Variants in XPO7 observed in about 807,000 individuals in gnomAD.
The protein encoded by XPO7 is exportin-7.
Under a neutral mutation model 144.3 loss-of-function variants are expected in XPO7, and 21 were observed. The observed-to-expected ratio is 0.15, with a 90% confidence interval of 0.10 to 0.21. The LOEUF is 0.21. Ranked by LOEUF, XPO7 falls within the 10% of genes least tolerant of loss-of-function variation. XPO7 has a pLI of 1.00. For missense variants in XPO7, 808 were observed against 1,325.8 expected (o/e 0.61, Z 6.06); for synonymous variants, 580 against 499.6 (o/e 1.16, Z -2.15).
At position 21,919,691 on chromosome 8, in the gene XPO7, G is replaced by T. The variant is rs6991784; in HGVS notation, c.-80G>T. Reference sequence around the variant, plus strand: ...CGCAGGCGCAGCGGCGACGGCGTCGGCGGCGGCGGCGGCAGCGGCTCCGGC... The same window carrying T: ...CGCAGGCGCAGCGGCGACGGCGTCGTCGGCGGCGGCGGCAGCGGCTCCGGC... On this transcript the variant is annotated 5_prime_UTR_variant, in exon 1 of 28. Coordinates refer to ENST00000252512, the MANE Select transcript of XPO7 (RefSeq NM_015024.5). 2,734 of 190,540 alleles carry T rather than the reference G, an allele frequency of 0.014. 82 individuals carry two copies. The highest frequency in any genetic ancestry group is 0.062 in the African/African-American group (2,598 of 41,932). The allele number at this position is 190,540 out of a possible 1,614,324, so 11.8% of individuals were successfully genotyped here. A position where few individuals can be genotyped will look rare whatever the true frequency, so the allele number is the denominator to read the frequency against.
intron 5 of XPO7, among the ~76,000 whole-genome samples, chr8:21,972,377 A>G (rs993325812): frequency 2.6e-5 from 4 of 152,032 alleles, no homozygotes; most frequent in African/African-American, 9.7e-5. Context: ...GACTTGGGAG[A>G]CAGGCAGGAG....
intron 1 of XPO7, among the ~76,000 whole-genome samples, chr8:21,922,725 A>G (rs1305359028): frequency 6.6e-6 from 1 of 152,222 alleles, no homozygotes; most frequent in Non-Finnish European, 1.5e-5. Context: ...TTATATATCG[A>G]ATATGCTATT....
intron 1 of XPO7, among the ~76,000 whole-genome samples, chr8:21,933,749 A>G (rs1810730082): frequency 6.6e-6 from 1 of 152,204 alleles, no homozygotes; most frequent in Admixed American, 6.5e-5. Flanking sequence ...CAGAAATTTT[A>G]CTGTGTGTCC....
At position 21,987,149 on chromosome 8, in the gene XPO7, A is replaced by G; in HGVS notation, c.1586A>G (p.Gln529Arg). The G allele has an allele frequency of 6.2e-7, 1 of 1,613,938 alleles. No individual in the cohort carries two copies. Among genetic ancestry groups the G allele is most frequent in the Non-Finnish European group, 8.5e-7 (1 of 1,179,890 alleles). The stretch of plus-strand genomic sequence containing the variant: ...TGCTCCTCTTCCTCCAGGGTGCTCC[A>G]GCTGATGAACCTAACAGATTCTCGT... ...MDGELVCRVL[Q>R]LMNLTDSRLA... Residue 529 changes from glutamine (Q) to arginine (R), a missense_variant, in exon 14 of 28, where the codon CAG becomes CGG. Physicochemically the swap from Gln to Arg is conservative, Grantham distance 43. This residue lies in a region of XPO7 where 416 missense variants were observed against 612.5 expected (regional missense o/e 0.68). Coordinates refer to ENST00000252512, the MANE Select transcript of XPO7 (RefSeq NM_015024.5).
At chr8:22,004,845 T>C (rs576546480) in intron 27 of XPO7, 150 bp from the exon 28 acceptor site, 101 of 494,902 alleles carry the variant, frequency 2.0e-4, no homozygotes, top group Non-Finnish European at 3.3e-4. Context: ...ACTTTTCTCT[T>C]AGAGTCTTAA....
At chr8:22,003,409 AC>A in intron 26 of XPO7, 92 bp downstream of exon 26, 1 of 963,962 alleles carries the variant, frequency 1.0e-6, no homozygotes, top group Non-Finnish European at 1.5e-6. Flanking sequence ...GTATAGAAAC[AC>A]CCCACGGTGG....
intron 1 of XPO7, among the ~76,000 whole-genome samples, chr8:21,963,370 T>C (rs1051182571): frequency 5.9e-5 from 9 of 152,174 alleles, no homozygotes; most frequent in African/African-American, 2.2e-4. Context: ...ATTGGAACTC[T>C]CCATGCGGAT....
intron 1 of XPO7, among the ~76,000 whole-genome samples, chr8:21,956,805 T>C (rs1811550777): frequency 6.6e-6 from 1 of 152,128 alleles, no homozygotes. Context: ...TATGTTTTCA[T>C]CTTTTGTTTT....
chr8:21,934,308 C>T (rs112430013), intron 1 of XPO7, among the ~76,000 whole-genome samples: 7 of 152,120 alleles, frequency 4.6e-5, no homozygotes, highest in African/African-American at 1.4e-4. Context: ...CCGAGGTGGG[C>T]GGATCACCTG....
intron 1 of XPO7, among the ~76,000 whole-genome samples, chr8:21,927,938 G>A (rs1788928442): frequency 6.6e-6 from 1 of 152,188 alleles, no homozygotes; most frequent in Non-Finnish European, 1.5e-5. Flanking sequence ...GATTACTGTT[G>A]TGTAAATCTG....
intron 21 of XPO7, among the ~76,000 whole-genome samples, chr8:21,995,894 A>C (rs974361850): frequency 6.6e-6 from 1 of 151,970 alleles, no homozygotes; most frequent in Non-Finnish European, 1.5e-5. Flanking sequence ...GGCTCACTGC[A>C]AGCTCCATCC....
At chr8:22,003,506 A>G (rs1192483443) in intron 26 of XPO7, among the ~76,000 whole-genome samples, 189 bp downstream of exon 26, 5 of 152,236 alleles carry the variant, frequency 3.3e-5, no homozygotes, top group African/African-American at 1.2e-4. Context: ...AGAAGTCAGC[A>G]TGTGTGGTAG....
At chr8:21,985,264 A>T (rs1015001771) in intron 12 of XPO7, among the ~76,000 whole-genome samples, 4 of 152,244 alleles carry the variant, frequency 2.6e-5, no homozygotes, top group Non-Finnish European at 5.9e-5. Context: ...GGAGATAAGT[A>T]CAGATAGTAA....
At chr8:21,957,240 A>G (rs1006937244) in intron 1 of XPO7, among the ~76,000 whole-genome samples, 4 of 152,016 alleles carry the variant, frequency 2.6e-5, no homozygotes, top group African/African-American at 9.7e-5. Context: ...ATAGCTTCAG[A>G]TGTGCTTTTG....
At chr8:22,004,621 G>A (rs138840297) in intron 27 of XPO7, among the ~76,000 whole-genome samples, 418 of 152,058 alleles carry the variant, frequency 2.7e-3, no homozygotes, top group African/African-American at 9.3e-3. Context: ...ATAATTCAGG[G>A]GCACGGTAGC....
chr8:21,983,503 G>A (rs1812471500), intron 11 of XPO7, among the ~76,000 whole-genome samples: 1 of 152,178 alleles, frequency 6.6e-6, no homozygotes, highest in Admixed American at 6.5e-5. Flanking sequence ...CAAGTGCATT[G>A]AATAGTCATG....
At chr8:21,977,926 T>C (rs1190945310) in intron 8 of XPO7, 83 bp downstream of exon 8, 14 of 1,213,600 alleles carry the variant, frequency 1.2e-5, no homozygotes, top group East Asian at 2.5e-5. Context: ...CGTTTTGTTT[T>C]ATAAAATTAT....
intron 1 of XPO7, among the ~76,000 whole-genome samples, chr8:21,921,810 C>T (rs1022367494): frequency 6.6e-6 from 1 of 152,190 alleles, no homozygotes; most frequent in Non-Finnish European, 1.5e-5. Flanking sequence ...GTCTTCATAT[C>T]AACGGGGTAA....
rs138609858 is a variant in XPO7 at position 21,984,110 on chromosome 8, T to C, written c.1278-536T>C. ...TTTGTAGTTTTTTTAAAATCCTACT[T>C]AGTATGACCATTTATAATATTCATA... is the stretch of plus-strand genomic sequence containing the variant. On this transcript the variant is annotated intron_variant, in intron 11 of 27. Coordinates refer to ENST00000252512, the MANE Select transcript of XPO7 (RefSeq NM_015024.5). Among the ~76,000 whole-genome samples the C allele has an allele frequency of 2.2e-3, 342 of 152,298 alleles. 1 individual carries two copies. The highest frequency in any genetic ancestry group is 7.9e-3 in the African/African-American group (330 of 41,554).
Sources: allele counts gnomAD v4.1 joint callset (sites outside exome capture counted in the v4.1 genomes callset), GRCh38; gene constraint gnomAD v4.1.1; regional missense constraint gnomAD v4.1.1; transcripts MANE v1.5; gene names NCBI Gene and HGNC (gene_info 2026-07-23, HGNC 2026-07-21).